HOOK3: variants seen among roughly 807,000 people sequenced by gnomAD.
HOOK3 encodes the protein protein Hook homolog 3.
Under a neutral mutation model 116.3 loss-of-function variants are expected in HOOK3, and 24 were observed. The observed-to-expected ratio is 0.21, with a 90% CI of 0.15 to 0.29. HOOK3 has a LOEUF of 0.29. HOOK3 is among the 10% of genes least tolerant of loss of function. The probability of loss-of-function intolerance (pLI) is 1.00; values close to 1 mark genes in which losing one functional copy is unlikely to be tolerated. For synonymous variants in HOOK3, 275 were observed against 283.0 expected, an observed-to-expected ratio of 0.97 and a Z score of 0.28; for missense variants, 632 against 830.2, an observed-to-expected ratio of 0.76 and a Z score of 2.93.
chr8:42,914,980 A>G (rs1807502832), intron 2 of HOOK3, among the ~76,000 whole-genome samples: 1 of 152,166 alleles, frequency 6.6e-6, no homozygotes, highest in Non-Finnish European at 1.5e-5. Context: ...GGCATTCCAG[A>G]GATGTATAGA....
At chr8:43,010,266 T>C in intron 18 of HOOK3, 39 bp from the exon 19 acceptor site, 3 of 434,736 alleles carry the variant, frequency 6.9e-6, no homozygotes, top group Non-Finnish European at 1.0e-5. Context: ...TTTATATATA[T>C]TATCTAAATA....
Position 43,004,283 on chromosome 8 carries a change from C to A in HOOK3, c.1655+2142C>A, listed in dbSNP as rs554955387. Among the ~76,000 whole-genome samples the A allele has an allele frequency of 8.4e-4, 127 of 150,918 alleles. 1 individual carries two copies. The South Asian group carries it at 0.025, about 30-fold the overall frequency. ...TCAGGAGGCTGAGGCAGTAGAATCA[C>A]TTGAACCCAGAAACCAGAGGTTGCA... On this transcript the variant is annotated intron_variant, in intron 17 of 21. Coordinates refer to ENST00000307602, the MANE Select transcript of HOOK3 (RefSeq NM_032410.4).
chr8:42,967,931 C>T, intron 10 of HOOK3, 82 bp from the exon 11 acceptor site: 1 of 776,872 alleles, frequency 1.3e-6, no homozygotes, highest in Non-Finnish European at 2.2e-6. Flanking sequence ...ATGTGTGTTT[C>T]CTGGCAATCC....
intron 16 of HOOK3, 195 bp downstream of exon 16, chr8:42,997,832 T>C: frequency 2.1e-6 from 1 of 480,680 alleles, no homozygotes; most frequent in Non-Finnish European, 3.8e-6. Context: ...TCAGATTCGC[T>C]CTGCTGGGAA....
chr8:42,948,528 C>G (rs1198629037), intron 5 of HOOK3, among the ~76,000 whole-genome samples: 2 of 152,198 alleles, frequency 1.3e-5, no homozygotes, highest in East Asian at 1.9e-4. Context: ...CTACTAACCC[C>G]TCACCCCTCG....
chr8:43,009,772 T>C (rs556154382), intron 18 of HOOK3, among the ~76,000 whole-genome samples: 1 of 152,306 alleles, frequency 6.6e-6, no homozygotes, highest in African/African-American at 2.4e-5. Context: ...TCTACAAAAC[T>C]GTATCATCTC....
rs778436562 is a variant in HOOK3, at chr8:42,966,453, C to T, written c.780-20C>T. 1 of 1,611,238 alleles carries T rather than the reference C, an allele frequency of 6.2e-7. No homozygotes were observed. Among genetic ancestry groups the T allele is most frequent in the Non-Finnish European group, 8.5e-7 (1 of 1,177,954 alleles). ...AGGCAGTAAATAGTGCTTTCTTGGT[C>T]TATTTTATATCGGTTACAGACTAGA... On this transcript the variant is annotated intron_variant, in intron 9 of 21. Transcript: ENST00000307602.
chr8:42,902,937 GAA>G (rs1807219966), intron 1 of HOOK3, among the ~76,000 whole-genome samples: 1 of 152,180 alleles, frequency 6.6e-6, no homozygotes, highest in East Asian at 1.9e-4. Context: ...AAACCTACAA[GAA>G]AGATTGGGTT....
intron 13 of HOOK3, 109 bp downstream of exon 13, chr8:42,974,303 CAACCTCTGCCTCCTGG>C (rs1483852994): frequency 1.9e-5 from 13 of 694,240 alleles, no homozygotes; most frequent in African/African-American, 5.4e-5. Flanking sequence ...TGGCTCACTG[CAACCTCTGCCTCCTGG>C]AACCTCTGCC....
At chr8:42,963,035 C>T (rs1808565063) in intron 8 of HOOK3, among the ~76,000 whole-genome samples, 1 of 152,106 alleles carries the variant, frequency 6.6e-6, no homozygotes, top group African/African-American at 2.4e-5. Context: ...CTCCTGACCT[C>T]AGGTGATCCA....
chr8:42,942,457 A>G (rs1339523093), intron 4 of HOOK3, among the ~76,000 whole-genome samples: 1 of 152,200 alleles, frequency 6.6e-6, no homozygotes, highest in African/African-American at 2.4e-5. Context: ...TACCTTCTTG[A>G]TCACAACCTC....
At chr8:42,901,261 G>C (rs1807183510) in intron 1 of HOOK3, among the ~76,000 whole-genome samples, 1 of 152,154 alleles carries the variant, frequency 6.6e-6, no homozygotes, top group Admixed American at 6.6e-5. Context: ...GGAATTAAAA[G>C]AAAGATTATA....
intron 19 of HOOK3, among the ~76,000 whole-genome samples, chr8:43,011,039 C>CTGGA (rs1016990085): frequency 5.9e-5 from 9 of 151,932 alleles, no homozygotes; most frequent in African/African-American, 1.9e-4. Context: ...GTCGCCCAGG[C>CTGGA]TGGAGTACAG....
chr8:42,992,598 C>A (rs895979218), intron 15 of HOOK3, among the ~76,000 whole-genome samples: 4 of 150,694 alleles, frequency 2.7e-5, no homozygotes, highest in African/African-American at 7.3e-5. Context: ...CACCTGTAGT[C>A]CCAGCTACTC....
chr8:42,970,495 G>A (rs1414726700), intron 11 of HOOK3, among the ~76,000 whole-genome samples: 1 of 152,150 alleles, frequency 6.6e-6, no homozygotes, highest in Non-Finnish European at 1.5e-5. Flanking sequence ...GTCTGAACAT[G>A]ATACCTTTCC....
intron 2 of HOOK3, among the ~76,000 whole-genome samples, chr8:42,918,700 C>T (rs897161656): frequency 6.6e-6 from 1 of 152,108 alleles, no homozygotes; most frequent in Admixed American, 6.5e-5. Context: ...TCCATTTAAC[C>T]CTTAGTGAAC....
At chr8:42,909,186 C>G (rs1807374551) in intron 2 of HOOK3, among the ~76,000 whole-genome samples, 1 of 152,122 alleles carries the variant, frequency 6.6e-6, no homozygotes, top group Non-Finnish European at 1.5e-5. Context: ...GCAGAGGGAA[C>G]CCTTGTACAC....
chr8:43,012,756 C>A (rs1376934190), intron 19 of HOOK3, among the ~76,000 whole-genome samples: 1 of 152,054 alleles, frequency 6.6e-6, no homozygotes, highest in Non-Finnish European at 1.5e-5. Flanking sequence ...TGCACCACCA[C>A]ACCCAGCTAA....
intron 11 of HOOK3, among the ~76,000 whole-genome samples, chr8:42,970,069 A>T (rs1324933277): frequency 6.6e-6 from 1 of 152,108 alleles, no homozygotes; most frequent in Non-Finnish European, 1.5e-5. Flanking sequence ...TGTTTTGCAC[A>T]TTTAGGTATT....
Sources: allele counts gnomAD v4.1 joint callset (sites outside exome capture counted in the v4.1 genomes callset), GRCh38; gene constraint gnomAD v4.1.1; transcripts MANE v1.5; gene names NCBI Gene and HGNC (gene_info 2026-07-23, HGNC 2026-07-21).